DLG1: variants seen among roughly 807,000 people sequenced by gnomAD.
DLG1 encodes the protein discs large MAGUK scaffold protein 1, also known as disks large homolog 1.
Under a neutral mutation model 123.4 loss-of-function variants are expected in DLG1, and 42 were observed. The ratio of observed to expected loss-of-function variants is 0.34; its 90% confidence interval spans 0.27 to 0.44. The LOEUF is 0.44. DLG1 is among the 20% of genes least tolerant of loss of function. DLG1 has a pLI of 1.00. For missense variants in DLG1, 942 were observed against 1,082.6 expected, an observed-to-expected ratio of 0.87 and a Z score of 1.82; for synonymous variants, 317 against 356.2, an observed-to-expected ratio of 0.89 and a Z score of 1.24.
At chr3:197,085,521 T>A in intron 16 of DLG1, 59 bp downstream of exon 16, 1 of 1,576,180 alleles carries the variant, frequency 6.3e-7, no homozygotes, top group East Asian at 2.2e-5. Flanking sequence ...TAAAAAAAAT[T>A]TAAAAGAACA....
intron 4 of DLG1, among the ~76,000 whole-genome samples, chr3:197,268,453 T>A (rs1762581544): frequency 6.6e-6 from 1 of 152,118 alleles, no homozygotes; most frequent in South Asian, 2.1e-4. Context: ...AGGGTCTTGA[T>A]CCGTCGCCCA....
chr3:197,240,451 C>A (rs1440224868), intron 4 of DLG1, among the ~76,000 whole-genome samples: 1 of 152,078 alleles, frequency 6.6e-6, no homozygotes, highest in Non-Finnish European at 1.5e-5. Context: ...CCAAAACAAG[C>A]CAGACAGAGA....
At chr3:197,054,095 C>T (rs1182124406) in intron 23 of DLG1, among the ~76,000 whole-genome samples, 1 of 152,004 alleles carries the variant, frequency 6.6e-6, no homozygotes, top group Non-Finnish European at 1.5e-5. Context: ...GACCTTGTCT[C>T]AAAAAACAAA....
chr3:197,260,168 T>A, intron 4 of DLG1: 1 of 312,912 alleles, frequency 3.2e-6, no homozygotes, highest in Non-Finnish European at 6.4e-6. Flanking sequence ...TCTATAACAA[T>A]GGTTACACCT....
intron 8 of DLG1, among the ~76,000 whole-genome samples, chr3:197,139,635 ATATTAT>A (rs1786951669): frequency 6.6e-6 from 1 of 152,236 alleles, no homozygotes; most frequent in African/African-American, 2.4e-5. Context: ...ATAAGAAAAT[ATATTAT>A]TTAAAGTTTG....
chr3:197,092,096 T>C (rs1050968121), intron 14 of DLG1, among the ~76,000 whole-genome samples: 3 of 152,182 alleles, frequency 2.0e-5, no homozygotes, highest in African/African-American at 7.2e-5. Flanking sequence ...GCCTTAATAG[T>C]AGAATGTATC....
At chr3:197,259,120 G>C (rs1758195832) in intron 4 of DLG1, among the ~76,000 whole-genome samples, 1 of 152,028 alleles carries the variant, frequency 6.6e-6, no homozygotes, top group African/African-American at 2.4e-5. Flanking sequence ...AATGATAAAA[G>C]GCAAATCACA....
At chr3:197,294,944 C>A (rs1032085976) in intron 3 of DLG1, among the ~76,000 whole-genome samples, 3 of 152,070 alleles carry the variant, frequency 2.0e-5, no homozygotes, top group Non-Finnish European at 4.4e-5. Flanking sequence ...TGCGAAAAAA[C>A]ATACTTTTTT....
In DLG1 at chr3:197,259,081, A is replaced by C. The variant is rs377497642; in HGVS notation, c.318+23598T>G. On this transcript the variant is annotated intron_variant, in intron 4 of 24. Coordinates refer to ENST00000667157, the MANE Select transcript of DLG1 (RefSeq NM_001366207.1). The stretch of plus-strand genomic sequence containing the variant: ...AGATCATTTCAAATAACCTTGCTAT[A>C]ATACTGGAAATAAAACCAAAATGAA... Among the ~76,000 whole-genome samples, 10 of 152,312 alleles carry C rather than the reference A, an allele frequency of 6.6e-5. No individual in the cohort carries two copies. In the East Asian group the frequency reaches 1.9e-3, roughly 29 times the overall value.
At chr3:197,296,316 G>A in intron 3 of DLG1, 30 bp downstream of exon 3, 4 of 1,602,012 alleles carry the variant, frequency 2.5e-6, no homozygotes, top group Non-Finnish European at 3.4e-6. Context: ...AGCCTAGCTG[G>A]CATAATAGTT....
intron 6 of DLG1, among the ~76,000 whole-genome samples, chr3:197,148,920 T>G (rs1045463799): frequency 6.6e-6 from 1 of 152,244 alleles, no homozygotes; most frequent in Non-Finnish European, 1.5e-5. Context: ...TACCCCATAC[T>G]GTCACCAGCA....
intron 24 of DLG1, among the ~76,000 whole-genome samples, chr3:197,047,137 A>G (rs910075205): frequency 1.3e-5 from 2 of 152,202 alleles, no homozygotes; most frequent in Non-Finnish European, 2.9e-5. Flanking sequence ...TGAAATACTA[A>G]TAAGATCTAT....
chr3:197,221,665 C>A (rs1737143478), intron 4 of DLG1, among the ~76,000 whole-genome samples: 1 of 152,164 alleles, frequency 6.6e-6, no homozygotes, highest in Non-Finnish European at 1.5e-5. Context: ...TTTATCTCAG[C>A]TAAACAGACA....
At position 197,201,824 on chromosome 3, in the gene DLG1, A is replaced by G. The variant is rs572486801; in HGVS notation, c.319-7235T>C. Among the ~76,000 whole-genome samples the G allele has an allele frequency of 6.6e-5, 10 of 152,294 alleles. No homozygotes were observed. In the East Asian group the frequency reaches 1.4e-3, roughly 21 times the overall value. On this transcript the variant is annotated intron_variant, in intron 4 of 24. Transcript: ENST00000667157. Reference sequence around the variant, plus strand: ...TCACAGAAGCAGAAAAAAAAATCCTAAAGTTCATATGGAACCAAAAAAGAG... The same window carrying G: ...TCACAGAAGCAGAAAAAAAAATCCTGAAGTTCATATGGAACCAAAAAAGAG...
chr3:197,257,823 T>C lies in DLG1; in HGVS notation c.318+24856A>G, dbSNP rs1757522119. On this transcript the variant is annotated intron_variant, in intron 4 of 24. Transcript: ENST00000667157. ...ATATATAACAATAATCCTAAATCAC[T>C]CTTGTTGGGCCTTTTATGCTCTGAG... is the stretch of plus-strand genomic sequence containing the variant. Among the ~76,000 whole-genome samples, 5 of 152,164 alleles carry C rather than the reference T, an allele frequency of 3.3e-5. No individual in the cohort carries two copies. In the South Asian group the frequency reaches 1.0e-3, roughly 32 times the overall value.
At chr3:197,075,083 T>C (rs1294618666) in intron 18 of DLG1, among the ~76,000 whole-genome samples, 3 of 152,020 alleles carry the variant, frequency 2.0e-5, no homozygotes, top group East Asian at 3.8e-4. Flanking sequence ...TTTGAAAACA[T>C]GCAAATTAAA....
At chr3:197,071,043 C>G (rs1298307737) in intron 18 of DLG1, 2 of 152,058 alleles carry the variant, frequency 1.3e-5, no homozygotes, top group African/African-American at 4.8e-5. Flanking sequence ...TCACAAGTAT[C>G]AACAATTATG....
chr3:197,296,951 GT>G (rs1196412754), intron 2 of DLG1: 1 of 502,812 alleles, frequency 2.0e-6, no homozygotes, highest in African/African-American at 2.3e-5. Flanking sequence ...AAGGACATCT[GT>G]TGGGGGGGGG....
At chr3:197,283,863 T>G (rs1770538371) in intron 3 of DLG1, among the ~76,000 whole-genome samples, 3 of 147,794 alleles carry the variant, frequency 2.0e-5, no homozygotes, top group Admixed American at 6.8e-5. Flanking sequence ...TGGGTTGTTT[T>G]TTTTTTTTTT....
Sources: gnomAD v4.1 joint callset for allele counts (sites outside exome capture counted in the v4.1 genomes callset) on GRCh38, gnomAD v4.1.1 for gene constraint, MANE v1.5 for transcripts, NCBI Gene and HGNC (gene_info 2026-07-23, HGNC 2026-07-21) for gene names.